The following NECAB2 variants were observed in gnomAD, a reference collection of about 807,000 sequenced individuals.
NECAB2 encodes the protein N-terminal EF-hand calcium-binding protein 2.
Under a neutral mutation model 51.9 loss-of-function variants are expected in NECAB2, and 68 were observed. That is an observed-to-expected ratio of 1.31 (90% CI 1.08 to 1.60). The LOEUF is 1.60. Ranked by LOEUF, NECAB2 falls within the 40% of genes most tolerant of loss-of-function variation. The pLI is 0.00. For missense variants in NECAB2, 854 were observed against 490.3 expected (o/e 1.74, Z -7.00); for synonymous variants, 329 against 203.5 (o/e 1.62, Z -5.25).
At chr16:83,980,460 C>A (rs1040700532) in intron 3 of NECAB2, among the ~76,000 whole-genome samples, 1 of 152,092 alleles carries the variant, frequency 6.6e-6, no homozygotes, top group Non-Finnish European at 1.5e-5. Context: ...CAGGCAGGGT[C>A]GACTGGGGGT....
chr16:83,969,813 G>A (rs949380564), intron 1 of NECAB2, among the ~76,000 whole-genome samples: 4 of 152,154 alleles, frequency 2.6e-5, no homozygotes, highest in African/African-American at 7.2e-5. Flanking sequence ...GGATTTCTGG[G>A]AGAGTGGTGG....
At chr16:83,970,993 C>G (rs1235519456) in intron 1 of NECAB2, among the ~76,000 whole-genome samples, 2 of 152,034 alleles carry the variant, frequency 1.3e-5, no homozygotes, top group Admixed American at 6.5e-5. Flanking sequence ...ACTCGGAAGG[C>G]TGATACAGGA....
At chr16:83,996,003 C>T (rs536837722) in intron 8 of NECAB2, among the ~76,000 whole-genome samples, 9 of 152,312 alleles carry the variant, frequency 5.9e-5, no homozygotes, top group East Asian at 5.8e-4. Flanking sequence ...GTCCTGGAGA[C>T]GGGGTGGGAC....
At chr16:83,965,884 C>T, upstream of NECAB2, 1 of 1,612,924 alleles carries the variant, frequency 6.2e-7, no homozygotes, top group Non-Finnish European at 8.5e-7. Context: ...ACCAGAGCAC[C>T]CGCCAGGAGG....
At chr16:83,988,163 T>A (rs540576530) in intron 5 of NECAB2, among the ~76,000 whole-genome samples, 3 of 152,252 alleles carry the variant, frequency 2.0e-5, no homozygotes, top group African/African-American at 7.2e-5. Flanking sequence ...ATCTGGGACT[T>A]TGTCTTTATA....
chr16:83,967,705 C>T (rs376158115), upstream of NECAB2, among the ~76,000 whole-genome samples: 33 of 77,280 alleles, frequency 4.3e-4, no homozygotes, highest in Admixed American at 1.1e-3. Context: ...GATGGATGGA[C>T]GGATGGATGG....
chr16:83,996,981 C>A lies in NECAB2; in HGVS notation c.796-235C>A, dbSNP rs141262262. Among the ~76,000 whole-genome samples, 107 of 150,866 alleles carry A rather than the reference C, an allele frequency of 7.1e-4. No homozygotes were observed. In the East Asian group the frequency reaches 0.019, roughly 27 times the overall value. ...CAAACCCCAGCATCTTGGACTCAGG[C>A]CTCTGGAGTCCCCCTTGCTGCCTCT... is the stretch of plus-strand genomic sequence containing the variant. On this transcript the variant is annotated intron_variant, in intron 8 of 12. Transcript: ENST00000305202.
At chr16:83,995,042 TGGC>T (rs1464943330) in intron 8 of NECAB2, among the ~76,000 whole-genome samples, 1 of 152,186 alleles carries the variant, frequency 6.6e-6, no homozygotes, top group African/African-American at 2.4e-5. Flanking sequence ...GAGCAGATAT[TGGC>T]CGAAAGGCAG....
At position 83,994,355 on chromosome 16, in the gene NECAB2, C is replaced by A. The variant is rs747779744; in HGVS notation, c.650C>A (p.Pro217His). 2.5e-6 allele frequency: 4 copies of A among 1,614,140 alleles called. No homozygotes were observed. The highest frequency in any genetic ancestry group is 1.7e-6 in the Non-Finnish European group (2 of 1,180,032). ...GCGGCACAGACCTGGTGTGGAAGCC[C>A]CACTCCCGCCTCTGCCCCCAACCAC... ...HSAAQTWCGS[P>H]TPASAPNHKL... The change falls in exon 7 of 13, where the codon CCC becomes CAC. Residue 217 changes from proline (P) to histidine (H), a missense_variant. By Grantham distance (77) the Pro-to-His change is moderately conservative. Transcript: ENST00000305202.
At chr16:83,985,300 C>A (rs1236159769) in intron 5 of NECAB2, among the ~76,000 whole-genome samples, 5 of 63,128 alleles carry the variant, frequency 7.9e-5, no homozygotes, top group African/African-American at 4.9e-5. Context: ...ACAACAAGAG[C>A]AAATCTCTGT....
chr16:83,975,618 A>G (rs1213846233), intron 2 of NECAB2, among the ~76,000 whole-genome samples: 2 of 152,088 alleles, frequency 1.3e-5, no homozygotes. Context: ...TGAGCTGGAT[A>G]CCGGATGCCC....
At chr16:84,000,160 C>G (rs1179447512) in intron 10 of NECAB2, among the ~76,000 whole-genome samples, 3 of 152,134 alleles carry the variant, frequency 2.0e-5, no homozygotes, top group African/African-American at 7.2e-5. Flanking sequence ...TCAAGACTTC[C>G]CAAAGTTCTG....
At chr16:83,979,078 C>G (rs2151088232) in intron 3 of NECAB2, among the ~76,000 whole-genome samples, 1 of 152,352 alleles carries the variant, frequency 6.6e-6, no homozygotes, top group Middle Eastern at 3.4e-3. Context: ...CAGCCAAAAA[C>G]TCTGTCTCCA....
intron 11 of NECAB2, among the ~76,000 whole-genome samples, chr16:84,001,220 GGTAGGGTGTCAGCAGCTCT>G (rs2084826428): frequency 6.6e-6 from 1 of 151,816 alleles, no homozygotes; most frequent in Non-Finnish European, 1.5e-5. Flanking sequence ...ACGGAGATGG[GGTAGGGTGTCAGCAGCTCT>G]GATGGGCCTT....
upstream of NECAB2, chr16:83,966,115 A>G: frequency 1.1e-6 from 1 of 918,108 alleles, no homozygotes; most frequent in Non-Finnish European, 1.6e-6. Flanking sequence ...GTGTCAGCCC[A>G]CGTTGCTGGC....
intron 5 of NECAB2, 50 bp from the exon 6 acceptor site, chr16:83,990,444 A>T (rs369876680): frequency 1.4e-5 from 22 of 1,601,924 alleles, no homozygotes; most frequent in Non-Finnish European, 1.9e-5. Flanking sequence ...CCCACCTCCA[A>T]TTTCCCTCCC....
intron 1 of NECAB2, 78 bp downstream of exon 1, chr16:83,968,927 C>G: frequency 1.1e-6 from 1 of 929,430 alleles, no homozygotes; most frequent in Non-Finnish European, 1.3e-6. Context: ...GGGCGGACCC[C>G]GACGCCGCGA....
chr16:83,968,893 G>T (rs1379269749), intron 1 of NECAB2, 44 bp downstream of exon 1: 5 of 1,071,944 alleles, frequency 4.7e-6, no homozygotes, highest in Admixed American at 5.3e-5. Context: ...CCTCCGCTGG[G>T]ACCCGGAGCC....
At chr16:84,000,692 A>G (rs143120765) in intron 10 of NECAB2, 32 bp from the exon 11 acceptor site, 94 of 1,609,034 alleles carry the variant, frequency 5.8e-5, no homozygotes, top group Non-Finnish European at 6.9e-5. Context: ...GTTGAGCTCC[A>G]GCCTCCTCCC....
Sources: allele counts gnomAD v4.1 joint callset (sites outside exome capture counted in the v4.1 genomes callset), GRCh38; gene constraint gnomAD v4.1.1; transcripts MANE v1.5; gene names NCBI Gene and HGNC (gene_info 2026-07-23, HGNC 2026-07-21).